The following POLB variants were observed in gnomAD, a reference collection of about 807,000 sequenced individuals.
POLB encodes 5'-dRP lyase.
In POLB, 37 loss-of-function variants were observed where a neutral mutation model predicts 52.7. That is an observed-to-expected ratio of 0.70 (90% confidence interval 0.54 to 0.92). POLB has a LOEUF of 0.92. POLB is among the 40% of genes least tolerant of loss of function. POLB has a pLI of 0.00. For missense variants in POLB, 313 were observed against 400.8 expected (o/e 0.78, Z 1.87); for synonymous variants, 138 against 131.3 (o/e 1.05, Z -0.35).
chr8:42,349,610 G>C (rs1822846484), intron 4 of POLB, among the ~76,000 whole-genome samples: 1 of 152,110 alleles, frequency 6.6e-6, no homozygotes, highest in African/African-American at 2.4e-5. Flanking sequence ...GTATGGTCTC[G>C]ATCTCCTGAC....
intron 11 of POLB, among the ~76,000 whole-genome samples, chr8:42,368,367 A>G (rs1301892574): frequency 6.6e-6 from 1 of 152,246 alleles, no homozygotes; most frequent in Non-Finnish European, 1.5e-5. Context: ...CAGCTAAAGA[A>G]TTAGTTTAGA....
intron 2 of POLB, chr8:42,340,150 C>T (rs1822110212): frequency 6.6e-6 from 1 of 152,216 alleles, no homozygotes; most frequent in Non-Finnish European, 1.5e-5. Context: ...GTGAATATCT[C>T]TTGACTTCTG....
intron 3 of POLB, 111 bp downstream of exon 3, chr8:42,345,130 T>G (rs1822529609): frequency 1.5e-6 from 1 of 659,474 alleles, no homozygotes; most frequent in African/African-American, 1.8e-5. Context: ...ACAGGCTGAT[T>G]TCACTACTCC....
chr8:42,357,809 C>T (rs951677891), intron 9 of POLB: 5 of 154,386 alleles, frequency 3.2e-5, no homozygotes, highest in African/African-American at 1.2e-4. Flanking sequence ...TCACTGCAAC[C>T]TCCGCCTCCC....
At chr8:42,369,197 T>C in intron 11 of POLB, 74 bp from the exon 12 acceptor site, 3 of 876,592 alleles carry the variant, frequency 3.4e-6, no homozygotes, top group Non-Finnish European at 5.5e-6. Context: ...AAAAATGGCC[T>C]TGTGTTTTAC....
chr8:42,353,145 T>C (rs1823081214), intron 6 of POLB, among the ~76,000 whole-genome samples: 1 of 151,608 alleles, frequency 6.6e-6, no homozygotes, highest in African/African-American at 2.4e-5. Context: ...CGTTTGCAAA[T>C]TTTTCAAATA....
Position 42,369,346 on chromosome 8 carries a change from G to C in POLB, c.773+11G>C, listed in dbSNP as rs1169454716. On this transcript the variant is annotated intron_variant, in intron 12 of 13. Coordinates refer to ENST00000265421, the MANE Select transcript of POLB (RefSeq NM_002690.3). Reference sequence around the variant, plus strand: ...AAGAATTGATATCAGGTATTGTTCAGACTTTGTTGCTGACCTGTTAACTTT... The same window carrying C: ...AAGAATTGATATCAGGTATTGTTCACACTTTGTTGCTGACCTGTTAACTTT... The C allele has an allele frequency of 2.0e-6, 3 of 1,519,514 alleles. No individual in the cohort carries two copies. The highest frequency in any genetic ancestry group is 1.7e-5 in the Admixed American group (1 of 57,812). The allele number at this position is 1,519,514 out of a possible 1,614,324, so 94.1% of individuals were successfully genotyped here.
chr8:42,338,926 A>G (rs1822022199), intron 1 of POLB, 86 bp from the exon 2 acceptor site: 2 of 1,196,434 alleles, frequency 1.7e-6, no homozygotes, highest in Admixed American at 3.4e-5. Flanking sequence ...ACTGTCTCTT[A>G]GAGGCTGCCA....
At chr8:42,342,415 A>G (rs1822260674) in intron 2 of POLB, 4 of 1,432,380 alleles carry the variant, frequency 2.8e-6, no homozygotes, top group South Asian at 1.1e-5. Context: ...TGCGCAGACT[A>G]TCATATCCCC....
In POLB at chr8:42,371,648, G is replaced by T. The variant is rs1216512174; in HGVS notation, c.999G>T (p.Arg333=). ...GGAAATACCGGGAACCCAAGGACCG[G>T]AGCGAATGAGGCCTGTATCCTCCCT... ...IQWKYREPKD[R]SE is the part of the protein sequence containing the mutation. Residue 333 remains arginine, a synonymous_variant, in exon 14 of 14, where the codon CGG becomes CGT. Transcript: ENST00000265421. 6.2e-7 allele frequency: 1 copy of T among 1,600,842 alleles called. No homozygotes were observed. The highest frequency in any genetic ancestry group is 1.7e-5 in the Admixed American group (1 of 59,968).
chr8:42,338,910 G>A, intron 1 of POLB, 102 bp from the exon 2 acceptor site: 5 of 1,076,856 alleles, frequency 4.6e-6, no homozygotes, highest in South Asian at 2.6e-5. Context: ...GAGGAAACGG[G>A]TGGTCACTGT....
At chr8:42,359,182 T>C (rs1380799639) in intron 9 of POLB, among the ~76,000 whole-genome samples, 1 of 152,196 alleles carries the variant, frequency 6.6e-6, no homozygotes, top group Non-Finnish European at 1.5e-5. Context: ...CTATGGATTC[T>C]TGTAACGTTT....
At chr8:42,357,591 A>T in intron 9 of POLB, 199 bp downstream of exon 9, 1 of 461,066 alleles carries the variant, frequency 2.2e-6, no homozygotes, top group Non-Finnish European at 3.8e-6. Flanking sequence ...TTATAGGATG[A>T]TATTTTAATG....
intron 12 of POLB, 129 bp downstream of exon 12, chr8:42,369,464 C>A: frequency 1.7e-6 from 1 of 587,354 alleles, no homozygotes; most frequent in Non-Finnish European, 3.1e-6. Flanking sequence ...GCCATATGTT[C>A]TTGCCAAATG....
intron 6 of POLB, among the ~76,000 whole-genome samples, chr8:42,353,940 AG>A (rs1464854854): frequency 1.3e-5 from 2 of 148,170 alleles, no homozygotes; most frequent in African/African-American, 5.0e-5. Flanking sequence ...AGTATTACTA[AG>A]TTAAGAATTT....
intron 11 of POLB, among the ~76,000 whole-genome samples, chr8:42,366,793 T>TA (rs1389061870): frequency 6.6e-5 from 10 of 152,238 alleles, no homozygotes; most frequent in African/African-American, 2.4e-4. Flanking sequence ...TTAAAATTGA[T>TA]ATTTGCCCTA....
chr8:42,368,328 A>G (rs570787961), intron 11 of POLB, among the ~76,000 whole-genome samples: 1 of 152,358 alleles, frequency 6.6e-6, no homozygotes, highest in South Asian at 2.1e-4. Context: ...GAAGGTAAAC[A>G]TATTTCATTA....
intron 3 of POLB, among the ~76,000 whole-genome samples, chr8:42,346,928 A>G (rs1211194531): frequency 6.6e-6 from 1 of 152,306 alleles, no homozygotes; most frequent in East Asian, 1.9e-4. Flanking sequence ...TTATAAATAC[A>G]TTAGACTTTA....
intron 11 of POLB, among the ~76,000 whole-genome samples, chr8:42,368,556 C>T (rs1033475629): frequency 3.3e-5 from 5 of 152,038 alleles, no homozygotes; most frequent in Non-Finnish European, 7.4e-5. Flanking sequence ...GTATGGGTTG[C>T]TGACCAGTCC....
Sources: gnomAD v4.1 joint callset for allele counts (sites outside exome capture counted in the v4.1 genomes callset) on GRCh38, gnomAD v4.1.1 for gene constraint, MANE v1.5 for transcripts, NCBI Gene and HGNC (gene_info 2026-07-23, HGNC 2026-07-21) for gene names.